LPAR5: variants seen among roughly 807,000 people sequenced by gnomAD.
LPAR5 encodes the protein G protein-coupled receptor 92.
For missense variants in LPAR5, 544 were observed against 521.8 expected, an observed-to-expected ratio of 1.04 and a Z score of -0.41; for synonymous variants, 271 against 261.6, an observed-to-expected ratio of 1.04 and a Z score of -0.35.
intron 1 of LPAR5, among the ~76,000 whole-genome samples, chr12:6,629,390 A>AG (rs1367839225): frequency 6.9e-6 from 1 of 145,306 alleles, no homozygotes; most frequent in Admixed American, 6.9e-5. Context: ...AAAAAAAAAA[A>AG]AGGGCCAAGC....
intron 1 of LPAR5, among the ~76,000 whole-genome samples, chr12:6,630,154 T>G (rs1948972147): frequency 6.6e-6 from 1 of 151,956 alleles, no homozygotes; most frequent in Admixed American, 6.6e-5. Context: ...GGATACAGTC[T>G]CACTTCGTTT....
At chr12:6,626,789 C>G (rs944641682) in intron 1 of LPAR5, among the ~76,000 whole-genome samples, 1 of 152,210 alleles carries the variant, frequency 6.6e-6, no homozygotes, top group Non-Finnish European at 1.5e-5. Flanking sequence ...GCAAAGCCTT[C>G]CCTAACCGCC....
At chr12:6,635,510 A>T (rs1949003790) in intron 1 of LPAR5, among the ~76,000 whole-genome samples, 1 of 151,806 alleles carries the variant, frequency 6.6e-6, no homozygotes. Context: ...GCCCTGGGGG[A>T]TGTGTGGTGT....
chr12:6,621,532 T>C (rs974390253), intron 1 of LPAR5, 68 bp from the exon 2 acceptor site: 3 of 317,576 alleles, frequency 9.4e-6, no homozygotes, highest in African/African-American at 4.3e-5. Flanking sequence ...TTAGCTCCAC[T>C]GGCAGGCCTT....
intron 1 of LPAR5, among the ~76,000 whole-genome samples, chr12:6,625,487 C>G (rs1037453781): frequency 6.7e-6 from 1 of 148,466 alleles, no homozygotes; most frequent in African/African-American, 2.5e-5. Context: ...TTTAGGAGGC[C>G]AAGGCGGGCG....
intron 1 of LPAR5, among the ~76,000 whole-genome samples, chr12:6,634,214 CT>C (rs1948997780): frequency 6.6e-6 from 1 of 152,034 alleles, no homozygotes; most frequent in South Asian, 2.1e-4. Context: ...ACCATGTTGC[CT>C]GGGATGGTCT....
At chr12:6,628,852 G>C (rs1482233754) in intron 1 of LPAR5, among the ~76,000 whole-genome samples, 1 of 151,250 alleles carries the variant, frequency 6.6e-6, no homozygotes, top group Non-Finnish European at 1.5e-5. Context: ...GGCTGGTCTC[G>C]AACTCCCAAC....
intron 1 of LPAR5, among the ~76,000 whole-genome samples, chr12:6,631,334 A>G (rs1317945570): frequency 6.6e-6 from 1 of 152,180 alleles, no homozygotes; most frequent in Non-Finnish European, 1.5e-5. Flanking sequence ...AGGAAGAGAA[A>G]GAAGGCCCTG....
In LPAR5 at chr12:6,631,754, C is replaced by T. The variant is rs1026399374; in HGVS notation, c.-217+4153G>A. On this transcript the variant is annotated intron_variant, in intron 1 of 1. Transcript: ENST00000329858. ...CAATCATGATCATTCCCTCACTCTCCTCCACACACCCTGCCCTGGTATCCA... is the reference window on the plus strand; with the variant it reads ...CAATCATGATCATTCCCTCACTCTCTTCCACACACCCTGCCCTGGTATCCA... The T allele has an allele frequency of 4.6e-5, 7 of 152,228 alleles. 1 individual carries two copies. The highest frequency in any genetic ancestry group is 7.3e-5 in the Non-Finnish European group (5 of 68,078). The allele number at this position is 152,228 out of a possible 1,614,324, so 9.4% of individuals were successfully genotyped here.
chr12:6,635,839 C>A, intron 1 of LPAR5, 68 bp downstream of exon 1: 1 of 152,560 alleles, frequency 6.6e-6, no homozygotes, highest in Non-Finnish European at 1.5e-5. Flanking sequence ...CCACCCAAAT[C>A]TCCCATTTCT....
chr12:6,621,362 A>G lies in LPAR5; in HGVS notation c.-114T>C. On this transcript the variant is annotated 5_prime_UTR_variant, in exon 2 of 2. Coordinates refer to ENST00000329858, the MANE Select transcript of LPAR5 (RefSeq NM_020400.6). ...TAGAGGCTGTACAGACATGGTCCCA[A>G]AACAAGCAGAGGGAGGTCATGGGAA... The G allele has an allele frequency of 2.8e-6, 3 of 1,066,122 alleles. No individual in the cohort carries two copies. The highest frequency in any genetic ancestry group is 3.8e-6 in the Non-Finnish European group (3 of 798,004). The allele number at this position is 1,066,122 out of a possible 1,614,324, so 66.0% of individuals were successfully genotyped here.
chr12:6,623,817 T>A (rs1178251715), intron 1 of LPAR5, among the ~76,000 whole-genome samples: 7 of 152,070 alleles, frequency 4.6e-5, no homozygotes, highest in Non-Finnish European at 4.4e-5. Flanking sequence ...TAGCTCCTCA[T>A]TATCCAAAGA....
chr12:6,623,955 A>G (rs1948913958), intron 1 of LPAR5, among the ~76,000 whole-genome samples: 1 of 152,064 alleles, frequency 6.6e-6, no homozygotes, highest in Non-Finnish European at 1.5e-5. Context: ...GTGAGACTCC[A>G]TGTCAGACAA....
chr12:6,624,493 A>C (rs958348509), intron 1 of LPAR5, among the ~76,000 whole-genome samples: 1 of 152,032 alleles, frequency 6.6e-6, no homozygotes, highest in African/African-American at 2.4e-5. Flanking sequence ...GAATTTGCCT[A>C]TTCTAGATAC....
In LPAR5 at chr12:6,620,562, C is replaced by A. The variant is rs757591396; in HGVS notation, c.687G>T (p.Arg229=). ...CCAGCAGGAGGCGCACGGTCTTCCGCCGCCGCTGGCTCTGCGTGGCGTCGG... is the reference window on the plus strand; with the variant it reads ...CCAGCAGGAGGCGCACGGTCTTCCGACGCCGCTGGCTCTGCGTGGCGTCGG... ...ARPDATQSQR[R]RKTVRLLLAN... Residue 229 remains arginine, a synonymous_variant, in exon 2 of 2, where the codon CGG becomes CGT. Transcript: ENST00000329858. The surrounding 1 kb of genome is among the most constrained non-coding windows in gnomAD (Gnocchi z 6.8). The A allele has an allele frequency of 4.5e-6, 7 of 1,555,480 alleles. No homozygotes were observed. Among genetic ancestry groups the A allele is most frequent in the Non-Finnish European group, 6.1e-6 (7 of 1,150,032 alleles).
chr12:6,634,638 A>AG (rs1474302072), intron 1 of LPAR5, among the ~76,000 whole-genome samples: 1 of 7,902 alleles, frequency 1.3e-4, no homozygotes, highest in Non-Finnish European at 3.0e-4. Flanking sequence ...ATCTCAAAAA[A>AG]AAAAAAAATT....
intron 1 of LPAR5, among the ~76,000 whole-genome samples, chr12:6,633,423 T>C (rs1404146328): frequency 2.0e-5 from 3 of 152,084 alleles, no homozygotes; most frequent in Non-Finnish European, 4.4e-5. Flanking sequence ...TTTTTTTTTT[T>C]TCTGAGATGG....
Position 6,620,010 on chromosome 12 carries a change from G to A in LPAR5, c.*120C>T. On this transcript the variant is annotated 3_prime_UTR_variant, in exon 2 of 2. Coordinates refer to ENST00000329858, the MANE Select transcript of LPAR5 (RefSeq NM_020400.6). This position sits in a 1 kb window ranked among gnomAD's most constrained non-coding sequence, Gnocchi z 6.8. Reference sequence around the variant, plus strand: ...ACTTTGTACTCTTCTGCGTTGCTAAGCTGGAATTGCCACCCAAAGGTCCAA... The same window carrying A: ...ACTTTGTACTCTTCTGCGTTGCTAAACTGGAATTGCCACCCAAAGGTCCAA... 1 of 1,330,208 alleles carries A rather than the reference G, an allele frequency of 7.5e-7. No individual in the cohort carries two copies. Among genetic ancestry groups the A allele is most frequent in the Non-Finnish European group, 1.1e-6 (1 of 945,700 alleles). The allele number at this position is 1,330,208 out of a possible 1,614,324, so 82.4% of individuals were successfully genotyped here.
rs146643167 is a variant in LPAR5 at position 6,620,955 on chromosome 12, G to T, written c.294C>A (p.Gly98=). The T allele has an allele frequency of 1.5e-5, 24 of 1,612,442 alleles. No homozygotes were observed. In the Admixed American group the frequency reaches 4.0e-4, roughly 27 times the overall value. The change falls in exon 2 of 2, where the codon GGC becomes GGA. Residue 98 remains glycine, a synonymous_variant. Coordinates refer to ENST00000329858, the MANE Select transcript of LPAR5 (RefSeq NM_020400.6). This position sits in a 1 kb window ranked among gnomAD's most constrained non-coding sequence, Gnocchi z 6.8. The stretch of plus-strand genomic sequence containing the variant: ...CGTACATGTTCATCTGGAAGATGGC[G>T]CCCGTCGTCTGGCACAGGAGGTCGG... ...PFPDLLCQTT[G]AIFQMNMYGS...
Sources: gnomAD v4.1 joint callset for allele counts (sites outside exome capture counted in the v4.1 genomes callset) on GRCh38, gnomAD v4.1.1 for gene constraint, Gnocchi (gnomAD v3.1) non-coding constraint, MANE v1.5 for transcripts, NCBI Gene and HGNC (gene_info 2026-07-23, HGNC 2026-07-21) for gene names.